The following PCDH11X variants were observed in gnomAD, a reference collection of about 807,000 sequenced individuals.
The protein encoded by PCDH11X is protocadherin 11 X-linked, also known as protocadherin-11 X-linked.
A neutral mutation model predicts 53.3 loss-of-function variants in PCDH11X; 18 were observed. The observed-to-expected ratio is 0.34, with a 90% CI of 0.23 to 0.50. PCDH11X has a LOEUF of 0.50. Ranked by LOEUF, PCDH11X falls within the 20% of genes least tolerant of loss-of-function variation. PCDH11X has a pLI of 0.98. For missense variants in PCDH11X, 570 were observed against 1,032.4 expected (o/e 0.55, Z 6.14); for synonymous variants, 279 against 393.3 (o/e 0.71, Z 3.44).
intron 8 of PCDH11X, among the ~76,000 whole-genome samples, chrX:92,284,985 C>CT (rs1474562647): frequency 1.8e-5 from 2 of 111,229 alleles, no homozygotes; most frequent in African/African-American, 6.5e-5. Flanking sequence ...ATTAAAAGCA[C>CT]TTTTTTCCAC....
intron 7 of PCDH11X, among the ~76,000 whole-genome samples, chrX:92,209,269 A>C (rs1387059703): frequency 3.6e-5 from 4 of 111,993 alleles, no homozygotes; most frequent in Non-Finnish European, 7.5e-5. Flanking sequence ...CTCATCTGAG[A>C]TAAGGCAAGT....
intron 6 of PCDH11X, among the ~76,000 whole-genome samples, chrX:92,062,329 C>A (rs1449497515): frequency 1.8e-5 from 2 of 111,059 alleles, no homozygotes; most frequent in African/African-American, 3.3e-5. Context: ...TTTCTATTGT[C>A]TGATTTTTAT....
At chrX:92,233,874 AT>A (rs1419318651) in intron 7 of PCDH11X, among the ~76,000 whole-genome samples, 1 of 112,054 alleles carries the variant, frequency 8.9e-6, no homozygotes, top group Non-Finnish European at 1.9e-5. Context: ...GTATTCACTG[AT>A]TTTAAAAAAG....
intron 6 of PCDH11X, among the ~76,000 whole-genome samples, chrX:91,909,333 T>C (rs774705422): frequency 9.1e-6 from 1 of 109,364 alleles, no homozygotes; most frequent in South Asian, 4.0e-4. Context: ...TGTAAAAATA[T>C]CACCCTCTCC....
intron 10 of PCDH11X, among the ~76,000 whole-genome samples, chrX:92,553,777 A>T (rs1312483061): frequency 9.2e-6 from 1 of 108,594 alleles, no homozygotes; most frequent in Admixed American, 9.9e-5. Flanking sequence ...TTATCATTCA[A>T]TAGGTGGAGT....
chrX:92,072,114 T>G (rs1302920354), intron 6 of PCDH11X, among the ~76,000 whole-genome samples: 1 of 110,677 alleles, frequency 9.0e-6, no homozygotes. Flanking sequence ...CCACCGCTTA[T>G]GTTCCCTTAA....
rs2073782297 is a variant in PCDH11X, at chrX:92,492,435, A to G, written c.3367+24113A>G. On this transcript the variant is annotated intron_variant, in intron 10 of 10. Transcript: ENST00000682573. ...ATATTATCTTCACTTCTGAGTAGCT[A>G]GATATGAAGTATTCAAATAAATTTC... Among the ~76,000 whole-genome samples the G allele has an allele frequency of 4.4e-5, 5 of 112,362 alleles. No individual in the cohort carries two copies. In the South Asian group the frequency reaches 1.8e-3, roughly 41 times the overall value.
chrX:92,200,086 T>G (rs1247347281), intron 6 of PCDH11X, among the ~76,000 whole-genome samples: 2 of 111,856 alleles, frequency 1.8e-5, no homozygotes, highest in Non-Finnish European at 3.8e-5. Flanking sequence ...GAAATGCCTG[T>G]TCATATCTTT....
chrX:91,820,782 C>T (rs1381600769), intron 4 of PCDH11X, among the ~76,000 whole-genome samples: 1 of 102,122 alleles, frequency 9.8e-6, no homozygotes, highest in Non-Finnish European at 1.9e-5. Context: ...CCTAGGCTTT[C>T]TTCTAGCGTT....
chrX:92,540,421 G>A (rs1293540252), intron 10 of PCDH11X, among the ~76,000 whole-genome samples: 1 of 106,850 alleles, frequency 9.4e-6, no homozygotes, highest in Non-Finnish European at 1.9e-5. Flanking sequence ...AGATTGTAGT[G>A]AATGTTGCCA....
At chrX:92,247,717 T>C (rs1288798150) in intron 7 of PCDH11X, among the ~76,000 whole-genome samples, 5 of 111,838 alleles carry the variant, frequency 4.5e-5, no homozygotes, top group Non-Finnish European at 9.4e-5. Context: ...GCCTTTTTCT[T>C]ATAAGGACGT....
intron 6 of PCDH11X, among the ~76,000 whole-genome samples, chrX:92,022,377 A>T (rs2062899670): frequency 9.2e-6 from 1 of 109,088 alleles, no homozygotes; most frequent in African/African-American, 3.4e-5. Flanking sequence ...AGGGGTTGCC[A>T]TCCTAGTCTC....
intron 6 of PCDH11X, among the ~76,000 whole-genome samples, chrX:92,098,790 G>C (rs974043549): frequency 1.1e-4 from 12 of 109,351 alleles, no homozygotes; most frequent in South Asian, 4.0e-4. Flanking sequence ...TGGGATTACA[G>C]GCATGTGCCA....
At chrX:92,164,796 T>G (rs894452133) in intron 6 of PCDH11X, among the ~76,000 whole-genome samples, 6 of 110,073 alleles carry the variant, frequency 5.5e-5, no homozygotes, top group African/African-American at 2.0e-4. Flanking sequence ...CGGTGGGAGG[T>G]GATTGACTTA....
chrX:91,833,325 C>T (rs1937180221), intron 4 of PCDH11X, among the ~76,000 whole-genome samples: 1 of 110,538 alleles, frequency 9.0e-6, no homozygotes, highest in Non-Finnish European at 1.9e-5. Context: ...TGCATATTAG[C>T]TGGTAGTATC....
At chrX:92,026,018 G>A (rs2062964656) in intron 6 of PCDH11X, among the ~76,000 whole-genome samples, 1 of 110,887 alleles carries the variant, frequency 9.0e-6, no homozygotes, top group African/African-American at 3.3e-5. Flanking sequence ...GACACATAGA[G>A]GGGAACAAGA....
intron 6 of PCDH11X, among the ~76,000 whole-genome samples, chrX:92,186,079 C>T (rs2066087795): frequency 9.0e-6 from 1 of 111,601 alleles, no homozygotes; most frequent in African/African-American, 3.3e-5. Flanking sequence ...TAGCACTATA[C>T]ATGATAGCTA....
intron 7 of PCDH11X, among the ~76,000 whole-genome samples, chrX:92,255,205 T>C (rs777909143): frequency 5.0e-4 from 55 of 109,149 alleles, no homozygotes; most frequent in African/African-American, 1.8e-3. Flanking sequence ...CTTCCATCGC[T>C]GATATCCTTT....
intron 10 of PCDH11X, among the ~76,000 whole-genome samples, chrX:92,598,108 A>G (rs1316054612): frequency 3.6e-5 from 4 of 111,763 alleles, no homozygotes; most frequent in Non-Finnish European, 7.5e-5. Flanking sequence ...ACATTTGAAA[A>G]ATGCTCAACA....
Sources: allele counts gnomAD v4.1 joint callset (sites outside exome capture counted in the v4.1 genomes callset), GRCh38; gene constraint gnomAD v4.1.1; transcripts MANE v1.5; gene names NCBI Gene and HGNC (gene_info 2026-07-23, HGNC 2026-07-21).